Variants in SKIL observed in about 807,000 individuals in gnomAD.
The protein encoded by SKIL is ski-like protein.
A neutral mutation model predicts 69.6 loss-of-function variants in SKIL; 20 were observed. That is an observed-to-expected ratio of 0.29 (90% CI 0.20 to 0.42). The LOEUF (loss-of-function observed/expected upper bound fraction) is 0.42, where lower values mean the gene tolerates loss of function less well. SKIL is among the 10% of genes least tolerant of loss of function. SKIL has a pLI of 1.00. For synonymous variants in SKIL, 310 were observed against 279.9 expected (o/e 1.11, Z -1.08); for missense variants, 745 against 783.1 (o/e 0.95, Z 0.58).
chr3:170,363,914 G>T (rs1433869156), intron 2 of SKIL, among the ~76,000 whole-genome samples: 2 of 152,112 alleles, frequency 1.3e-5, no homozygotes. Context: ...TGCCCCTTTT[G>T]ATATTTGTGA....
Position 170,383,660 on chromosome 3 carries a change from AG to A in SKIL, c.1197-872del, listed in dbSNP as rs550910077. ...TAGGAAGTAGTGAAGTATTTCAAGA[AG>A]ATTGCTCAGTGGGGTTTGATACAAG... On this transcript the variant is annotated intron_variant, in intron 3 of 6. Coordinates refer to ENST00000259119, the MANE Select transcript of SKIL (RefSeq NM_005414.5). Among the ~76,000 whole-genome samples, 17 of 152,290 alleles carry A rather than the reference AG, an allele frequency of 1.1e-4. No individual in the cohort carries two copies. The South Asian group carries it at 3.3e-3, about 30-fold the overall frequency.
intron 1 of SKIL, among the ~76,000 whole-genome samples, chr3:170,358,349 G>A (rs1040973246): frequency 4.0e-5 from 6 of 151,822 alleles, no homozygotes; most frequent in African/African-American, 1.5e-4. Flanking sequence ...GGGCACTTGG[G>A]GTTATCCCAG....
chr3:170,361,799 C>T (rs536319296), intron 2 of SKIL, among the ~76,000 whole-genome samples: 3 of 148,820 alleles, frequency 2.0e-5, no homozygotes, highest in South Asian at 2.1e-4. Flanking sequence ...GTTGGCCAGG[C>T]TGGTCTTGAA....
Position 170,389,734 on chromosome 3 carries a change from C to T in SKIL, c.1430-489C>T, listed in dbSNP as rs1737816627. On this transcript the variant is annotated intron_variant, in intron 4 of 6. Transcript: ENST00000259119. ...AATTCTGTTCTACTGATCTGTATGTCTATCTTTAAATCATGTCACACAGTC... is the reference window on the plus strand; with the variant it reads ...AATTCTGTTCTACTGATCTGTATGTTTATCTTTAAATCATGTCACACAGTC... Among the ~76,000 whole-genome samples the T allele has an allele frequency of 2.6e-5, 4 of 152,162 alleles. No individual in the cohort carries two copies. In the South Asian group the frequency reaches 8.3e-4, roughly 31 times the overall value.
chr3:170,376,237 G>A (rs1043333386), intron 2 of SKIL, among the ~76,000 whole-genome samples: 1 of 151,376 alleles, frequency 6.6e-6, no homozygotes, highest in Non-Finnish European at 1.5e-5. Context: ...TATTAGAGAT[G>A]GGGTTTCACC....
chr3:170,392,652 A>G lies in SKIL; in HGVS notation c.*235A>G, dbSNP rs1349456021. 7.2e-6 allele frequency: 2 copies of G among 277,688 alleles called. No homozygotes were observed. The highest frequency in any genetic ancestry group is 2.2e-5 in the African/African-American group (1 of 45,510). The allele number at this position is 277,688 out of a possible 1,614,324, so 17.2% of individuals were successfully genotyped here. A position where few individuals can be genotyped will look rare whatever the true frequency, so the allele number is the denominator to read the frequency against. ...TTTTAAAAAAATCAGCTTAGTAACA[A>G]TACTATATGGTTTCAACTAGTAGGT... On this transcript the variant is annotated 3_prime_UTR_variant, in exon 7 of 7. Transcript: ENST00000259119.
In SKIL at chr3:170,360,552, C is replaced by T. The variant is rs1377091470; in HGVS notation, c.221C>T (p.Thr74Ile). ...TDGEHVKRTC[T>I]SVPETLHLNP... ...GGAGAGCATGTTAAGCGAACCTGTACTTCTGTTCCTGAAACTTTGCATTTA... is the reference window on the plus strand; with the variant it reads ...GGAGAGCATGTTAAGCGAACCTGTATTTCTGTTCCTGAAACTTTGCATTTA... The change falls in exon 2 of 7, where the codon ACT becomes ATT. Residue 74 changes from threonine to isoleucine, a missense_variant. By Grantham distance (89) the Thr-to-Ile change is moderately conservative (BLOSUM62 -1). Coordinates refer to ENST00000259119, the MANE Select transcript of SKIL (RefSeq NM_005414.5). 8 of 1,614,132 alleles carry T rather than the reference C, an allele frequency of 5.0e-6. No homozygotes were observed. Among genetic ancestry groups the T allele is most frequent in the Non-Finnish European group, 6.8e-6 (8 of 1,180,054 alleles).
At chr3:170,385,035 A>G (rs554504762) in intron 4 of SKIL, 25 of 240,118 alleles carry the variant, frequency 1.0e-4, no homozygotes, top group Admixed American at 1.5e-4. Context: ...TTCCTTTCCT[A>G]CCTTTTATTT....
intron 4 of SKIL, among the ~76,000 whole-genome samples, chr3:170,389,404 C>T (rs1737800293): frequency 1.3e-5 from 2 of 151,314 alleles, no homozygotes; most frequent in Admixed American, 1.3e-4. Flanking sequence ...AGCTCCGCCT[C>T]CCAGGTTCAC....
intron 2 of SKIL, among the ~76,000 whole-genome samples, chr3:170,362,782 T>C (rs947930270): frequency 1.3e-5 from 2 of 149,278 alleles, no homozygotes; most frequent in Non-Finnish European, 3.0e-5. Flanking sequence ...GCCACCACAG[T>C]CCATCCTGGG....
rs753130915 is a variant in SKIL, at chr3:170,360,681, C to T, written c.350C>T (p.Ser117Leu). Reference protein sequence around the residue: ...FSARHSQESMSPTVFLPLPSP... With the variant: ...FSARHSQESMLPTVFLPLPSP... ...GCTCGGCATTCCCAAGAAAGCATGT[C>T]GCCTACTGTATTTCTGCCTCTTCCA... The change falls in exon 2 of 7, where the codon TCG becomes TTG. Residue 117 changes from serine (S) to leucine (L), a missense_variant. Coordinates refer to ENST00000259119, the MANE Select transcript of SKIL (RefSeq NM_005414.5). 4.3e-6 allele frequency: 7 copies of T among 1,614,070 alleles called. No homozygotes were observed. The highest frequency in any genetic ancestry group is 4.0e-5 in the African/African-American group (3 of 74,932).
At chr3:170,383,637 G>A (rs1737470015) in intron 3 of SKIL, among the ~76,000 whole-genome samples, 1 of 152,156 alleles carries the variant, frequency 6.6e-6, no homozygotes, top group Admixed American at 6.5e-5. Context: ...CAAATGAGTA[G>A]GAAGTAGTGA....
intron 2 of SKIL, among the ~76,000 whole-genome samples, chr3:170,376,198 C>T (rs1472142732): frequency 1.3e-5 from 2 of 151,522 alleles, no homozygotes; most frequent in African/African-American, 4.9e-5. Context: ...CAGGGATGCA[C>T]CACCATGCCC....
At chr3:170,373,034 C>T (rs1736864725) in intron 2 of SKIL, among the ~76,000 whole-genome samples, 1 of 144,646 alleles carries the variant, frequency 6.9e-6, no homozygotes, top group Admixed American at 7.2e-5. Context: ...GTCGCCCAGG[C>T]TGGAGTTCAG....
intron 5 of SKIL, among the ~76,000 whole-genome samples, chr3:170,390,695 C>T (rs915592121): frequency 6.6e-6 from 1 of 152,102 alleles, no homozygotes; most frequent in Non-Finnish European, 1.5e-5. Flanking sequence ...CCATGCTGGC[C>T]AGGCTCGAAC....
chr3:170,367,439 AC>A (rs1309200670), intron 2 of SKIL, among the ~76,000 whole-genome samples: 2 of 145,444 alleles, frequency 1.4e-5, no homozygotes, highest in Non-Finnish European at 3.0e-5. Context: ...TCTCCACTTT[AC>A]TAAGTTAAGA....
chr3:170,374,969 T>G (rs921485461), intron 2 of SKIL, among the ~76,000 whole-genome samples: 1 of 152,202 alleles, frequency 6.6e-6, no homozygotes, highest in African/African-American at 2.4e-5. Context: ...AAGGCTACCT[T>G]GGGAATTAAT....
chr3:170,395,137 G>A lies in SKIL; in HGVS notation c.*2720G>A, dbSNP rs1410033992. 2 of 152,080 alleles carry A rather than the reference G, an allele frequency of 1.3e-5. No individual in the cohort carries two copies. The highest frequency in any genetic ancestry group is 4.8e-5 in the African/African-American group (2 of 41,414). The allele number at this position is 152,080 out of a possible 1,614,324, so 9.4% of individuals were successfully genotyped here. On this transcript the variant is annotated 3_prime_UTR_variant, in exon 7 of 7. Transcript: ENST00000259119. ...ATTAGCTTGGGTGATGTTTAATTTGGGTGGCGATAGTTTCTGTAGGCTAAA... is the reference window on the plus strand; with the variant it reads ...ATTAGCTTGGGTGATGTTTAATTTGAGTGGCGATAGTTTCTGTAGGCTAAA...
At position 170,392,440 on chromosome 3, in the gene SKIL, G is replaced by A; in HGVS notation, c.*23G>A. On this transcript the variant is annotated 3_prime_UTR_variant, in exon 7 of 7. Transcript: ENST00000259119. The stretch of plus-strand genomic sequence containing the variant: ...TAGAAACTGTTAAAGAGATTCATCT[G>A]TGTATTACTGACAAGGTTTTTTTTG... The A allele has an allele frequency of 1.3e-6, 2 of 1,498,344 alleles. No individual in the cohort carries two copies. Among genetic ancestry groups the A allele is most frequent in the Non-Finnish European group, 1.8e-6 (2 of 1,110,586 alleles). 92.8% of individuals were successfully genotyped at this position (1,498,344 alleles called of 1,614,324 possible). A position where few individuals can be genotyped will look rare whatever the true frequency, so the allele number is the denominator to read the frequency against.
Sources: gnomAD v4.1 joint callset for allele counts (sites outside exome capture counted in the v4.1 genomes callset) on GRCh38, gnomAD v4.1.1 for gene constraint, MANE v1.5 for transcripts, NCBI Gene and HGNC (gene_info 2026-07-23, HGNC 2026-07-21) for gene names.